The following NFKB1 variants were observed in gnomAD, a reference collection of about 807,000 sequenced individuals.
NFKB1 encodes the protein nuclear factor NF-kappa-B p105 subunit.
NFKB1 carries 9 observed loss-of-function variants against 105.1 expected under a neutral mutation model. That is an observed-to-expected ratio of 0.09 (90% CI 0.05 to 0.15). The LOEUF (loss-of-function observed/expected upper bound fraction) is 0.15, where lower values mean the gene tolerates loss of function less well. NFKB1 is among the 10% of genes least tolerant of loss of function. NFKB1 has a pLI of 1.00. For synonymous variants in NFKB1, 440 were observed against 442.2 expected (o/e 1.00, Z 0.06); for missense variants, 830 against 1,203.7 (o/e 0.69, Z 4.59).
At chr4:102,503,848 T>C (rs1739249536) in intron 1 of NFKB1, among the ~76,000 whole-genome samples, 2 of 152,196 alleles carry the variant, frequency 1.3e-5, no homozygotes, top group Admixed American at 6.5e-5. Context: ...GAGAAACTAA[T>C]ATTTATGCAG....
At chr4:102,583,568 T>C (rs561973773) in intron 10 of NFKB1, among the ~76,000 whole-genome samples, 6 of 152,312 alleles carry the variant, frequency 3.9e-5, no homozygotes, top group South Asian at 4.1e-4. Context: ...AAAGTAATTA[T>C]GATGAGACCT....
chr4:102,525,956 T>C (rs1740882310), intron 2 of NFKB1, among the ~76,000 whole-genome samples: 1 of 152,200 alleles, frequency 6.6e-6, no homozygotes, highest in Non-Finnish European at 1.5e-5. Context: ...ATCTGTTCCA[T>C]GCCTCTCCCC....
At chr4:102,557,531 G>T (rs565708206) in intron 5 of NFKB1, among the ~76,000 whole-genome samples, 2 of 152,222 alleles carry the variant, frequency 1.3e-5, no homozygotes, top group African/African-American at 4.8e-5. Flanking sequence ...GTCCTGTGGG[G>T]TAGTTGTTCC....
chr4:102,609,632 A>AAAAAAAAC (rs1728208462), intron 19 of NFKB1, among the ~76,000 whole-genome samples: 1 of 151,350 alleles, frequency 6.6e-6, no homozygotes, highest in Non-Finnish European at 1.5e-5. Flanking sequence ...AAAAAAAAAA[A>AAAAAAAAC]AAGCGTCAGT....
chr4:102,567,281 T>C lies in NFKB1; in HGVS notation c.407+146T>C, dbSNP rs544828147. ...AAACTGTGTAAACTTGTGCTTTCATTTGGACTCCAGGAAGTAAGGTGACCA... is the reference window on the plus strand; with the variant it reads ...AAACTGTGTAAACTTGTGCTTTCATCTGGACTCCAGGAAGTAAGGTGACCA... On this transcript the variant is annotated intron_variant, in intron 6 of 23. Transcript: ENST00000226574. 7 of 846,878 alleles carry C rather than the reference T, an allele frequency of 8.3e-6. No homozygotes were observed. The South Asian group carries it at 1.2e-4, about 14-fold the overall frequency. 52.5% of individuals were successfully genotyped at this position (846,878 alleles called of 1,614,324 possible).
intron 6 of NFKB1, among the ~76,000 whole-genome samples, chr4:102,569,653 T>C (rs910887496): frequency 3.3e-5 from 5 of 152,048 alleles, no homozygotes; most frequent in African/African-American, 1.2e-4. Flanking sequence ...ATCCAAAAAA[T>C]GGCAATGAGA....
intron 10 of NFKB1, among the ~76,000 whole-genome samples, chr4:102,583,840 G>A (rs1237206996): frequency 6.6e-6 from 1 of 151,598 alleles, no homozygotes; most frequent in African/African-American, 2.4e-5. Context: ...ATCAGTAAGT[G>A]GCCAGTTAAA....
chr4:102,561,488 T>A (rs2149160404), intron 5 of NFKB1, among the ~76,000 whole-genome samples: 1 of 152,214 alleles, frequency 6.6e-6, no homozygotes, highest in Non-Finnish European at 1.5e-5. Flanking sequence ...GGAATAACTG[T>A]CATCTATCAA....
chr4:102,611,118 A>G (rs1211341775), intron 20 of NFKB1, among the ~76,000 whole-genome samples: 2 of 152,244 alleles, frequency 1.3e-5, no homozygotes, highest in Admixed American at 6.5e-5. Flanking sequence ...CAATAAATAT[A>G]AACAGAGTAA....
rs1723950576 is a variant in NFKB1, at chr4:102,567,192, G to A, written c.407+57G>A. The A allele has an allele frequency of 3.2e-6, 5 of 1,573,684 alleles. No homozygotes were observed. In the South Asian group the frequency reaches 5.7e-5, roughly 18 times the overall value. On this transcript the variant is annotated intron_variant, in intron 6 of 23. Transcript: ENST00000226574. ...AGGAACAGATAGAATATGGGATGCAGGAACTTAGAATGAACAGGCCCCTTT... is the reference window on the plus strand; with the variant it reads ...AGGAACAGATAGAATATGGGATGCAAGAACTTAGAATGAACAGGCCCCTTT...
At chr4:102,594,831 T>C in intron 12 of NFKB1, 61 bp from the exon 13 acceptor site, 1 of 1,207,312 alleles carries the variant, frequency 8.3e-7, no homozygotes, top group East Asian at 2.3e-5. Context: ...AGACACTAAG[T>C]TGTGCTGAGT....
At chr4:102,517,207 T>C (rs1740252429) in intron 1 of NFKB1, among the ~76,000 whole-genome samples, 1 of 152,210 alleles carries the variant, frequency 6.6e-6, no homozygotes, top group African/African-American at 2.4e-5. Flanking sequence ...GGGCTCTCCC[T>C]GTGTCATGAT....
In NFKB1 at chr4:102,616,441, C is replaced by G. The variant is rs1199822557; in HGVS notation, c.2757C>G (p.Leu919=). The change falls in exon 24 of 24, where the codon CTC becomes CTG. Residue 919 remains leucine, a synonymous_variant. Transcript: ENST00000226574. ...TGTGCTTTCTCCCCTCAGACGAGCT[C>G]CGAGACAGTGACAGTGTCTGCGACA... ...PASTRQQIDE[L]RDSDSVCDSG... 6.2e-7 allele frequency: 1 copy of G among 1,613,966 alleles called. No homozygotes were observed. Among genetic ancestry groups the G allele is most frequent in the African/African-American group, 1.3e-5 (1 of 75,040 alleles).
At chr4:102,579,979 A>T (rs796828405) in intron 8 of NFKB1, among the ~76,000 whole-genome samples, 4 of 152,278 alleles carry the variant, frequency 2.6e-5, no homozygotes, top group African/African-American at 9.6e-5. Flanking sequence ...GGAGAAAAAA[A>T]AAAAGGAAGC....
At chr4:102,609,765 A>T (rs894971963) in intron 19 of NFKB1, among the ~76,000 whole-genome samples, 1 of 152,338 alleles carries the variant, frequency 6.6e-6, no homozygotes, top group East Asian at 1.9e-4. Context: ...AAGAAACAGC[A>T]TGAAGATCCT....
chr4:102,588,724 G>GTTA (rs1031487358), intron 11 of NFKB1, among the ~76,000 whole-genome samples: 2 of 152,116 alleles, frequency 1.3e-5, no homozygotes, highest in African/African-American at 4.8e-5. Flanking sequence ...AAAGTCACTG[G>GTTA]TTATTATTAT....
At chr4:102,524,266 G>T (rs2149111674) in intron 1 of NFKB1, among the ~76,000 whole-genome samples, 1 of 152,246 alleles carries the variant, frequency 6.6e-6, no homozygotes, top group East Asian at 1.9e-4. Context: ...ATCAGGGAGG[G>T]CCTCTGGGTA....
At chr4:102,502,390 GCACACACACACACACA>G (rs754187388) in intron 1 of NFKB1, among the ~76,000 whole-genome samples, 9 of 105,396 alleles carry the variant, frequency 8.5e-5, no homozygotes, top group African/African-American at 2.9e-4. Context: ...GCGCGCGCGC[GCACACACACACACACA>G]CACACACACA....
intron 15 of NFKB1, among the ~76,000 whole-genome samples, chr4:102,600,038 C>G (rs1727004035): frequency 6.6e-6 from 1 of 152,146 alleles, no homozygotes. Context: ...GGTTGTAAGG[C>G]TGACTCAGAC....
Sources: allele counts gnomAD v4.1 joint callset (sites outside exome capture counted in the v4.1 genomes callset), GRCh38; gene constraint gnomAD v4.1.1; transcripts MANE v1.5; gene names NCBI Gene and HGNC (gene_info 2026-07-23, HGNC 2026-07-21).